The following GRM5 variants were observed in gnomAD, a reference collection of about 807,000 sequenced individuals.
GRM5 encodes the protein glutamate metabotropic receptor 5.
GRM5 carries 19 observed loss-of-function variants against 83.1 expected under a neutral mutation model. The observed-to-expected ratio is 0.23, with a 90% CI of 0.16 to 0.34. The LOEUF (loss-of-function observed/expected upper bound fraction) is 0.34, where lower values mean the gene tolerates loss of function less well. GRM5 is among the 10% of genes least tolerant of loss of function. The pLI is 1.00. For synonymous variants in GRM5, 675 were observed against 633.6 expected (o/e 1.07, Z -0.98); for missense variants, 1,160 against 1,588.3 (o/e 0.73, Z 4.58).
intron 4 of GRM5, among the ~76,000 whole-genome samples, chr11:88,612,482 C>A (rs1176502520): frequency 1.3e-5 from 2 of 152,100 alleles, no homozygotes; most frequent in Non-Finnish European, 2.9e-5. Flanking sequence ...GGTATATACC[C>A]AGTAATGGGA....
At chr11:88,955,857 C>A (rs1425942340) in intron 2 of GRM5, among the ~76,000 whole-genome samples, 2 of 152,196 alleles carry the variant, frequency 1.3e-5, no homozygotes, top group African/African-American at 2.4e-5. Flanking sequence ...TCACACTTTG[C>A]ACAATAGATA....
chr11:88,876,138 T>G (rs753824697), intron 2 of GRM5, among the ~76,000 whole-genome samples: 12 of 152,154 alleles, frequency 7.9e-5, no homozygotes, highest in Non-Finnish European at 1.6e-4. Context: ...GAAACTGTAT[T>G]GTTTCGTGTA....
At chr11:88,648,097 G>A (rs1039057980) in intron 4 of GRM5, among the ~76,000 whole-genome samples, 23 of 152,068 alleles carry the variant, frequency 1.5e-4, no homozygotes, top group Non-Finnish European at 2.9e-4. Context: ...TCAGTGTGGC[G>A]ATTCCTCAGG....
chr11:89,062,177 T>C (rs573292687), intron 1 of GRM5, among the ~76,000 whole-genome samples: 9 of 152,310 alleles, frequency 5.9e-5, no homozygotes, highest in East Asian at 1.9e-4. Context: ...ATAGCCACAA[T>C]TGATTCTTAC....
intron 2 of GRM5, among the ~76,000 whole-genome samples, chr11:88,960,234 G>A (rs973234819): frequency 6.6e-6 from 1 of 152,126 alleles, no homozygotes; most frequent in African/African-American, 2.4e-5. Flanking sequence ...TATTTAGAAT[G>A]AATGAATTTG....
At chr11:88,768,538 A>G (rs2135447021) in intron 3 of GRM5, among the ~76,000 whole-genome samples, 1 of 152,112 alleles carries the variant, frequency 6.6e-6, no homozygotes, top group East Asian at 1.9e-4. Context: ...GGTTTGCACA[A>G]CATTATGAAT....
intron 2 of GRM5, among the ~76,000 whole-genome samples, chr11:89,046,574 G>A (rs1433110728): frequency 6.6e-6 from 1 of 151,900 alleles, no homozygotes; most frequent in African/African-American, 2.4e-5. Context: ...ACTATTCTTG[G>A]AGCACAAAGA....
At chr11:88,622,605 G>A (rs984805813) in intron 4 of GRM5, among the ~76,000 whole-genome samples, 2 of 152,154 alleles carry the variant, frequency 1.3e-5, no homozygotes, top group African/African-American at 4.8e-5. Flanking sequence ...ACGAGGAAGG[G>A]GTGGGGGCGG....
In GRM5 at chr11:88,509,416, T is replaced by G. The variant is rs767476107; in HGVS notation, c.2815A>C (p.Lys939Gln). ...GCCGTTTGGTTGGGGTTTTCTTTCT[T>G]GTTGATGTGGATGGACAGGCGCTGC... ...LWQRLSIHIN[K>Q]KENPNQTAVI... Residue 939 changes from lysine (K) to glutamine (Q), a missense_variant, in exon 10 of 10, where the codon AAG (lysine) becomes CAG (glutamine). Coordinates refer to ENST00000305447, the MANE Select transcript of GRM5 (RefSeq NM_001143831.3). 2.5e-6 allele frequency: 4 copies of G among 1,612,710 alleles called. No individual in the cohort carries two copies. In the African/African-American group the frequency reaches 5.3e-5, roughly 22 times the overall value.
intron 4 of GRM5, among the ~76,000 whole-genome samples, chr11:88,624,579 G>T (rs1311252286): frequency 6.6e-6 from 1 of 152,138 alleles, no homozygotes; most frequent in Non-Finnish European, 1.5e-5. Flanking sequence ...TGCTTTGGGG[G>T]ACCAAGACGG....
At chr11:88,743,321 T>C (rs1942066724) in intron 3 of GRM5, among the ~76,000 whole-genome samples, 1 of 152,112 alleles carries the variant, frequency 6.6e-6, no homozygotes, top group Admixed American at 6.6e-5. Flanking sequence ...ATAGACTTCA[T>C]GTTATGTTCA....
At chr11:88,752,767 C>G (rs1435548830) in intron 3 of GRM5, among the ~76,000 whole-genome samples, 1 of 152,116 alleles carries the variant, frequency 6.6e-6, no homozygotes, top group Non-Finnish European at 1.5e-5. Flanking sequence ...ACACATAAAC[C>G]AATGGAACAG....
At chr11:89,056,480 A>G (rs1235604261) in intron 1 of GRM5, among the ~76,000 whole-genome samples, 3 of 152,208 alleles carry the variant, frequency 2.0e-5, no homozygotes, top group African/African-American at 7.2e-5. Flanking sequence ...CAGCGTAAAG[A>G]GCCTTTTTTC....
intron 2 of GRM5, among the ~76,000 whole-genome samples, chr11:88,908,744 G>A (rs941607457): frequency 1.3e-5 from 2 of 151,864 alleles, no homozygotes; most frequent in East Asian, 1.9e-4. Context: ...CTCATTATTC[G>A]ACTGTGAAAA....
Position 89,063,035 on chromosome 11 carries a change from T to C in GRM5, c.-201+2741A>G, listed in dbSNP as rs1942026025. On this transcript the variant is annotated intron_variant, in intron 1 of 9. Transcript: ENST00000305447. ...GAGATGTGCTTTCAGCACCACCCGC[T>C]GTCCCCCCTCTTCCTGCAGCAGGCG... Among the ~76,000 whole-genome samples, 3 of 152,242 alleles carry C rather than the reference T, an allele frequency of 2.0e-5. No homozygotes were observed. In the South Asian group the frequency reaches 6.2e-4, roughly 31 times the overall value.
chr11:88,602,324 G>A (rs1406542748), intron 5 of GRM5, among the ~76,000 whole-genome samples: 2 of 152,094 alleles, frequency 1.3e-5, no homozygotes. Context: ...TGTAACACCT[G>A]GCACCATGGT....
rs533196967 is a variant in GRM5 at position 88,875,524 on chromosome 11, A to G, written c.662-25369T>C. Reference sequence around the variant, plus strand: ...ATTGATATTCTGACCCACTCCCATGAATCACTAATGTTATTAATGGTAATT... The same window carrying G: ...ATTGATATTCTGACCCACTCCCATGGATCACTAATGTTATTAATGGTAATT... On this transcript the variant is annotated intron_variant, in intron 2 of 9. Coordinates refer to ENST00000305447, the MANE Select transcript of GRM5 (RefSeq NM_001143831.3). 2.6e-5 allele frequency among the ~76,000 whole-genome samples: 4 copies of G among 152,150 alleles called. 1 individual carries two copies. The highest frequency in any genetic ancestry group is 9.6e-5 in the African/African-American group (4 of 41,546).
chr11:88,948,967 T>A (rs1938370186), intron 2 of GRM5, among the ~76,000 whole-genome samples: 1 of 152,152 alleles, frequency 6.6e-6, no homozygotes, highest in Non-Finnish European at 1.5e-5. Flanking sequence ...ACTTCCTAAT[T>A]TTACATCTGG....
intron 7 of GRM5, among the ~76,000 whole-genome samples, chr11:88,583,189 A>T (rs112241985): frequency 4.7e-4 from 71 of 152,042 alleles, no homozygotes; most frequent in African/African-American, 1.5e-3. Context: ...GTAAAAAGAG[A>T]GCAATTCCAA....
Sources: gnomAD v4.1 joint callset for allele counts (sites outside exome capture counted in the v4.1 genomes callset) on GRCh38, gnomAD v4.1.1 for gene constraint, MANE v1.5 for transcripts, NCBI Gene and HGNC (gene_info 2026-07-23, HGNC 2026-07-21) for gene names.